CTCF: variants seen among roughly 807,000 people sequenced by gnomAD.
CTCF encodes CCCTC-binding factor.
CTCF carries 7 observed loss-of-function variants against 72.3 expected under a neutral mutation model. The observed-to-expected ratio is 0.10, with a 90% CI of 0.06 to 0.18. The LOEUF (loss-of-function observed/expected upper bound fraction) is 0.18, where lower values mean the gene tolerates loss of function less well. CTCF is among the 10% of genes least tolerant of loss of function. The probability of loss-of-function intolerance (pLI) is 1.00; values close to 1 mark genes in which losing one functional copy is unlikely to be tolerated. For missense variants in CTCF, 516 were observed against 949.1 expected (o/e 0.54, Z 6.00); for synonymous variants, 374 against 315.8 (o/e 1.18, Z -1.95).
At chr16:67,565,798 A>T (rs1358651733) in intron 1 of CTCF, among the ~76,000 whole-genome samples, 3 of 151,614 alleles carry the variant, frequency 2.0e-5, no homozygotes, top group Non-Finnish European at 4.4e-5. Flanking sequence ...GAGCTTTAGG[A>T]TTTTATTTTA....
chr16:67,573,344 A>G (rs2051450360), intron 2 of CTCF, among the ~76,000 whole-genome samples: 1 of 151,732 alleles, frequency 6.6e-6, no homozygotes, highest in South Asian at 2.1e-4. Context: ...CAGGAGAATC[A>G]CCTGAACCAG....
At position 67,621,479 on chromosome 16, in the gene CTCF, G is replaced by T. The variant is rs747312975; in HGVS notation, c.1245G>T (p.Arg415=). 1.2e-6 allele frequency: 2 copies of T among 1,611,232 alleles called. No individual in the cohort carries two copies. Among genetic ancestry groups the T allele is most frequent in the Non-Finnish European group, 1.7e-6 (2 of 1,177,652 alleles). ...ATGAATGTTATATTTGTCATGCTCGGTTTACCCAAAGTGGTACCATGAAGA... is the reference window on the plus strand; with the variant it reads ...ATGAATGTTATATTTGTCATGCTCGTTTTACCCAAAGTGGTACCATGAAGA... ...KPYECYICHA[R]FTQSGTMKMH... The change falls in exon 7 of 12, where the codon CGG becomes CGT. Residue 415 remains arginine (R), a synonymous_variant. Coordinates refer to ENST00000264010, the MANE Select transcript of CTCF (RefSeq NM_006565.4).
chr16:67,574,122 A>G lies in CTCF; in HGVS notation c.-10+2858A>G, dbSNP rs577562858. Among the ~76,000 whole-genome samples, 12 of 152,082 alleles carry G rather than the reference A, an allele frequency of 7.9e-5. No individual in the cohort carries two copies. The South Asian group carries it at 2.3e-3, about 29-fold the overall frequency. ...TGCCAACTAGGTGTCATCCAACACC[A>G]TCTACCCAAGATGGTGTCAGATCCC... On this transcript the variant is annotated intron_variant, in intron 2 of 11. Transcript: ENST00000264010.
chr16:67,613,967 G>A (rs1276502029), intron 4 of CTCF, among the ~76,000 whole-genome samples: 2 of 152,176 alleles, frequency 1.3e-5, no homozygotes, highest in African/African-American at 2.4e-5. Context: ...CATACACCAA[G>A]AGTATCAGTT....
chr16:67,564,469 C>T (rs2142696925), intron 1 of CTCF, among the ~76,000 whole-genome samples: 1 of 152,352 alleles, frequency 6.6e-6, no homozygotes. Context: ...CTTTCTATGT[C>T]TCCTTTTGGA....
At chr16:67,587,133 G>A (rs1402471663) in intron 2 of CTCF, among the ~76,000 whole-genome samples, 1 of 143,030 alleles carries the variant, frequency 7.0e-6, no homozygotes, top group Non-Finnish European at 1.5e-5. Context: ...TGGAGACAGG[G>A]TCTCGCTCTG....
At chr16:67,604,732 T>G (rs1567605553) in intron 2 of CTCF, among the ~76,000 whole-genome samples, 1 of 126,004 alleles carries the variant, frequency 7.9e-6, no homozygotes, top group South Asian at 2.5e-4. Flanking sequence ...TCACCAGGGT[T>G]TTTTTTTTTT....
chr16:67,578,989 T>C (rs1195095091), intron 2 of CTCF, among the ~76,000 whole-genome samples: 2 of 149,072 alleles, frequency 1.3e-5, no homozygotes, highest in Non-Finnish European at 3.0e-5. Flanking sequence ...GCGTGGTGGC[T>C]CACGCCTGTA....
chr16:67,576,550 G>GTTTTTTTTTTT (rs35771667), intron 2 of CTCF, among the ~76,000 whole-genome samples: 1 of 108,256 alleles, frequency 9.2e-6, no homozygotes, highest in African/African-American at 3.9e-5. Context: ...ATAATAGAAT[G>GTTTTTTTTTTT]TTTTTTTTTT....
chr16:67,604,403 C>T (rs2051941467), intron 2 of CTCF, among the ~76,000 whole-genome samples: 3 of 152,074 alleles, frequency 2.0e-5, no homozygotes, highest in South Asian at 2.1e-4. Context: ...AGTGCAGTGG[C>T]GCGATCTTGG....
chr16:67,565,315 T>G (rs1299631561), intron 1 of CTCF, among the ~76,000 whole-genome samples: 2 of 151,970 alleles, frequency 1.3e-5, no homozygotes, highest in Non-Finnish European at 1.5e-5. Flanking sequence ...ACCTGTTATT[T>G]AAATTAGTGA....
chr16:67,566,138 A>C (rs1231508571), intron 1 of CTCF, among the ~76,000 whole-genome samples: 1 of 152,160 alleles, frequency 6.6e-6, no homozygotes, highest in Admixed American at 6.6e-5. Context: ...CAAACAACTC[A>C]GATGCATTAT....
Position 67,637,921 on chromosome 16 carries a change from G to A in CTCF, c.*49G>A, listed in dbSNP as rs548584766. ...GGACTTCTCTGGGCTGTGTTTAAACGGCCCGCATCTTAATTTTTCTCCCTT... is the reference window on the plus strand; with the variant it reads ...GGACTTCTCTGGGCTGTGTTTAAACAGCCCGCATCTTAATTTTTCTCCCTT... On this transcript the variant is annotated 3_prime_UTR_variant, in exon 12 of 12. Transcript: ENST00000264010. 6.5e-6 allele frequency: 9 copies of A among 1,395,132 alleles called. No individual in the cohort carries two copies. The highest frequency in any genetic ancestry group is 8.6e-6 in the Non-Finnish European group (9 of 1,045,750). 86.4% of individuals were successfully genotyped at this position (1,395,132 alleles called of 1,614,324 possible).
At chr16:67,568,747 T>A (rs1567589192) in intron 1 of CTCF, among the ~76,000 whole-genome samples, 2 of 152,168 alleles carry the variant, frequency 1.3e-5, no homozygotes, top group African/African-American at 4.8e-5. Flanking sequence ...CCTGACTGGC[T>A]TTGAACTCCT....
intron 8 of CTCF, chr16:67,628,029 A>G: frequency 1.1e-5 from 2 of 188,720 alleles, no homozygotes; most frequent in Middle Eastern, 2.0e-3. Context: ...CGGGAGGTGG[A>G]GGTTGCAGCG....
At chr16:67,607,463 G>T (rs1009224493) in intron 2 of CTCF, among the ~76,000 whole-genome samples, 1 of 151,392 alleles carries the variant, frequency 6.6e-6, no homozygotes, top group Admixed American at 6.6e-5. Flanking sequence ...ACACCACTAC[G>T]CCTGGCTAAT....
chr16:67,582,300 C>G (rs145571324), intron 2 of CTCF, among the ~76,000 whole-genome samples: 1 of 151,922 alleles, frequency 6.6e-6, no homozygotes, highest in Non-Finnish European at 1.5e-5. Context: ...CTTTAGTTTT[C>G]TGAACTGTTC....
intron 2 of CTCF, among the ~76,000 whole-genome samples, chr16:67,591,129 C>G (rs990435955): frequency 6.6e-6 from 1 of 151,676 alleles, no homozygotes; most frequent in Admixed American, 6.6e-5. Context: ...CCCATCTCTA[C>G]GAAAAATACA....
At chr16:67,587,926 T>C (rs1257377927) in intron 2 of CTCF, among the ~76,000 whole-genome samples, 1 of 152,118 alleles carries the variant, frequency 6.6e-6, no homozygotes, top group Non-Finnish European at 1.5e-5. Flanking sequence ...GGCGTAATCT[T>C]GGCTCACTTC....
Sources: gnomAD v4.1 joint callset for allele counts (sites outside exome capture counted in the v4.1 genomes callset) on GRCh38, gnomAD v4.1.1 for gene constraint, MANE v1.5 for transcripts, NCBI Gene and HGNC (gene_info 2026-07-23, HGNC 2026-07-21) for gene names.